Variants in CRB1 observed in about 807,000 individuals in gnomAD.
CRB1 encodes crumbs cell polarity complex component 1, also known as protein crumbs homolog 1.
A neutral mutation model predicts 120.0 loss-of-function variants in CRB1; 83 were observed. The observed-to-expected ratio is 0.69, with a 90% CI of 0.58 to 0.83. The LOEUF (loss-of-function observed/expected upper bound fraction) is 0.83, where lower values mean the gene tolerates loss of function less well. Ranked by LOEUF, CRB1 falls within the 40% of genes least tolerant of loss-of-function variation. The pLI is 0.00. For missense variants in CRB1, 1,699 were observed against 1,687.6 expected, an observed-to-expected ratio of 1.01 and a Z score of -0.12; for synonymous variants, 625 against 612.5, an observed-to-expected ratio of 1.02 and a Z score of -0.30.
chr1:197,210,790 A>G, the CRB1 span, among the ~76,000 whole-genome samples: 1 of 152,180 alleles, frequency 6.6e-6, no homozygotes, highest in Non-Finnish European at 1.5e-5. Flanking sequence ...ACAAGGGCCC[A>G]TAAGAGAGAG....
At chr1:197,408,023 T>C in intron 5 of CRB1, among the ~76,000 whole-genome samples, 1 of 152,192 alleles carries the variant, frequency 6.6e-6, no homozygotes, top group Non-Finnish European at 1.5e-5. Flanking sequence ...TTTATAGCAG[T>C]ACTGTATTAT....
intron 1 of CRB1, among the ~76,000 whole-genome samples, chr1:197,292,180 TAAAG>T (rs1215951099): frequency 6.6e-6 from 1 of 150,974 alleles, no homozygotes; most frequent in Non-Finnish European, 1.5e-5. Flanking sequence ...GCAAGACTAA[TAAAG>T]AAGAAAAGAG....
intron 11 of CRB1, among the ~76,000 whole-genome samples, chr1:197,458,108 A>G (rs1349466950): frequency 6.6e-6 from 1 of 152,150 alleles, no homozygotes; most frequent in Admixed American, 6.6e-5. Flanking sequence ...ACAAAAGGGA[A>G]GAAAGGAAAC....
chr1:197,430,914 A>G (rs1201816731), intron 8 of CRB1, among the ~76,000 whole-genome samples: 40 of 152,038 alleles, frequency 2.6e-4, no homozygotes, highest in Non-Finnish European at 2.9e-5. Flanking sequence ...TATAAAAAAA[A>G]TACATGCTGG....
chr1:197,253,532 C>G, the CRB1 span, among the ~76,000 whole-genome samples: 1 of 152,014 alleles, frequency 6.6e-6, no homozygotes, highest in South Asian at 2.1e-4. Context: ...TTTCCCCAAA[C>G]CTGGTATGTA....
chr1:197,208,867 C>T, the CRB1 span, among the ~76,000 whole-genome samples: 1 of 152,038 alleles, frequency 6.6e-6, no homozygotes, highest in Admixed American at 6.5e-5. Flanking sequence ...GGGTTAGGTG[C>T]GTCTGAGCTC....
chr1:197,304,002 A>G (rs1657027607), intron 1 of CRB1, among the ~76,000 whole-genome samples: 1 of 152,146 alleles, frequency 6.6e-6, no homozygotes, highest in Non-Finnish European at 1.5e-5. Flanking sequence ...AAAAATAAAA[A>G]CATAATATTT....
intron 1 of CRB1, among the ~76,000 whole-genome samples, chr1:197,272,697 A>T (rs1429332146): frequency 1.3e-5 from 2 of 152,200 alleles, no homozygotes; most frequent in Non-Finnish European, 2.9e-5. Context: ...ATATTGTATG[A>T]TTCCAATTTT....
Position 197,372,634 on chromosome 1 carries a change from C to T in CRB1, c.1171+15621C>T, listed in dbSNP as rs190963060. Among the ~76,000 whole-genome samples the T allele has an allele frequency of 2.1e-3, 318 of 151,980 alleles. 3 individuals are homozygous for T. The highest frequency in any genetic ancestry group is 3.7e-3 in the South Asian group (18 of 4,814). Reference sequence around the variant, plus strand: ...TGAGGTTGGGCACAGTGGTTCACACCTGAAATCTCAGTGCTTTGGGAGGCC... The same window carrying T: ...TGAGGTTGGGCACAGTGGTTCACACTTGAAATCTCAGTGCTTTGGGAGGCC... On this transcript the variant is annotated intron_variant, in intron 5 of 11. Coordinates refer to ENST00000367400, the MANE Select transcript of CRB1 (RefSeq NM_201253.3).
chr1:197,428,413 AAAC>A (rs1343866407), intron 7 of CRB1, among the ~76,000 whole-genome samples: 3 of 152,358 alleles, frequency 2.0e-5, no homozygotes, highest in Middle Eastern at 6.8e-3. Context: ...ATTAAGTCAG[AAAC>A]AACAAGAGAA....
chr1:197,264,610 C>CTTT (rs1238265615), upstream of CRB1, among the ~76,000 whole-genome samples: 8 of 145,828 alleles, frequency 5.5e-5, no homozygotes, highest in African/African-American at 2.0e-4. Flanking sequence ...ACAGTGCATT[C>CTTT]TTCTTTTTTT....
chr1:197,326,431 C>T (rs1248495037), intron 1 of CRB1, among the ~76,000 whole-genome samples: 1 of 151,968 alleles, frequency 6.6e-6, no homozygotes, highest in Non-Finnish European at 1.5e-5. Context: ...AGTTCGAGAC[C>T]ACCCTGGCGG....
intron 1 of CRB1, among the ~76,000 whole-genome samples, chr1:197,275,762 T>C (rs1655174171): frequency 6.6e-6 from 1 of 152,022 alleles, no homozygotes; most frequent in Non-Finnish European, 1.5e-5. Context: ...TAACCTACTT[T>C]TTTTCACAAA....
intron 5 of CRB1, among the ~76,000 whole-genome samples, chr1:197,365,367 C>A (rs1395009080): frequency 1.3e-5 from 2 of 152,106 alleles, no homozygotes; most frequent in Non-Finnish European, 2.9e-5. Flanking sequence ...ACTGATCCCC[C>A]ACTCACAGGG....
chr1:197,355,564 C>G (rs957883245), intron 4 of CRB1, among the ~76,000 whole-genome samples: 2 of 152,194 alleles, frequency 1.3e-5, no homozygotes, highest in Middle Eastern at 3.2e-3. Context: ...TGAGGCCTGG[C>G]GAGAATTCCA....
At chr1:197,311,166 G>T (rs1030132246) in intron 1 of CRB1, among the ~76,000 whole-genome samples, 1 of 152,138 alleles carries the variant, frequency 6.6e-6, no homozygotes, top group Non-Finnish European at 1.5e-5. Context: ...GATTCATACA[G>T]AAAATATGAT....
At chr1:197,424,616 C>T (rs1443122564) in intron 6 of CRB1, among the ~76,000 whole-genome samples, 1 of 152,112 alleles carries the variant, frequency 6.6e-6, no homozygotes, top group Non-Finnish European at 1.5e-5. Flanking sequence ...AGATAATGTG[C>T]TTCTGTTTTT....
chr1:197,354,709 G>A (rs961023838), intron 4 of CRB1, among the ~76,000 whole-genome samples: 4 of 149,998 alleles, frequency 2.7e-5, no homozygotes, highest in African/African-American at 7.3e-5. Flanking sequence ...AACAGCAAGA[G>A]TTATTTCAAC....
intron 5 of CRB1, among the ~76,000 whole-genome samples, chr1:197,392,547 C>G (rs1159807517): frequency 2.0e-5 from 3 of 152,038 alleles, no homozygotes; most frequent in Non-Finnish European, 2.9e-5. Flanking sequence ...TATTCATTTT[C>G]CAAACTCTGC....
Sources: allele counts gnomAD v4.1 joint callset (sites outside exome capture counted in the v4.1 genomes callset), GRCh38; gene constraint gnomAD v4.1.1; transcripts MANE v1.5; gene names NCBI Gene and HGNC (gene_info 2026-07-23, HGNC 2026-07-21).